PAK1IP1: variants seen among roughly 807,000 people sequenced by gnomAD.
PAK1IP1 encodes the protein p21-activated protein kinase-interacting protein 1.
A neutral mutation model predicts 42.0 loss-of-function variants in PAK1IP1; 24 were observed. That is an observed-to-expected ratio of 0.57 (90% confidence interval 0.41 to 0.80). The LOEUF is 0.80. PAK1IP1 is among the 30% of genes least tolerant of loss of function. The probability of loss-of-function intolerance (pLI) is 0.00; values close to 1 mark genes in which losing one functional copy is unlikely to be tolerated. For missense variants in PAK1IP1, 411 were observed against 467.9 expected, an observed-to-expected ratio of 0.88 and a Z score of 1.12; for synonymous variants, 154 against 156.7, an observed-to-expected ratio of 0.98 and a Z score of 0.13.
intron 5 of PAK1IP1, among the ~76,000 whole-genome samples, 168 bp downstream of exon 5, chr6:10,703,625 T>G (rs1429237132): frequency 6.6e-6 from 1 of 152,190 alleles, no homozygotes; most frequent in East Asian, 1.9e-4. Context: ...ACAAAATTAT[T>G]TAAAATATTG....
chr6:10,703,411 G>A lies in PAK1IP1; in HGVS notation c.450G>A (p.Trp150Ter). The A allele has an allele frequency of 6.2e-7, 1 of 1,611,024 alleles. No homozygotes were observed. Residue 150 changes from tryptophan to a stop codon, truncating the protein, a stop_gained, in exon 5 of 10, where the codon TGG (tryptophan) becomes TGA (stop). Coordinates refer to ENST00000379568, the MANE Select transcript of PAK1IP1 (RefSeq NM_017906.3). LOFTEE classifies it high-confidence loss of function. Reference sequence around the variant, plus strand: ...TGAGCTTCCTGTTTTGCAGAACGTGGAATCTTGTAGAAGGAAGATCAGCAT... The same window carrying A: ...TGAGCTTCCTGTTTTGCAGAACGTGAAATCTTGTAGAAGGAAGATCAGCAT... ...SVGTDKTLRT[W>*]NLVEGRSAFI...
chr6:10,709,514 ATTT>A lies in PAK1IP1; in HGVS notation c.*72_*74del. 2.2e-6 allele frequency: 2 copies of A among 908,486 alleles called. No homozygotes were observed. Among genetic ancestry groups the A allele is most frequent in the Non-Finnish European group, 1.5e-6 (1 of 680,894 alleles). The allele number at this position is 908,486 out of a possible 1,614,324, so 56.3% of individuals were successfully genotyped here. A position where few individuals can be genotyped will look rare whatever the true frequency, so the allele number is the denominator to read the frequency against. On this transcript the variant is annotated 3_prime_UTR_variant, in exon 10 of 10. Coordinates refer to ENST00000379568, the MANE Select transcript of PAK1IP1 (RefSeq NM_017906.3). ...AATCATTCTACTCAAATGTACCTTA[ATTT>A]TTTTTTTTTCCCTGAGTAAAAGCAA...
chr6:10,708,326 A>G (rs565191581), intron 8 of PAK1IP1, among the ~76,000 whole-genome samples: 1 of 109,116 alleles, frequency 9.2e-6, no homozygotes, highest in South Asian at 2.3e-4. Context: ...CACTTCGTGT[A>G]TGTTTCTAAG....
chr6:10,693,971 G>T (rs1451878238), upstream of PAK1IP1, among the ~76,000 whole-genome samples: 1 of 152,126 alleles, frequency 6.6e-6, no homozygotes, highest in Non-Finnish European at 1.5e-5. Flanking sequence ...CTCAAATGAA[G>T]GCTCTGGCCG....
Position 10,703,453 on chromosome 6 carries a change from A to C in PAK1IP1, c.492A>C (p.Lys164Asn), listed in dbSNP as rs1360431859. The change falls in exon 5 of 10, where the codon AAA becomes AAC. Residue 164 changes from lysine (K) to asparagine (N), a missense_variant. Coordinates refer to ENST00000379568, the MANE Select transcript of PAK1IP1 (RefSeq NM_017906.3). ...GATCAGCATTCATAAAAAATATAAAACAAAGTGAGTATTTTTGTTTGAAAT... is the reference window on the plus strand; with the variant it reads ...GATCAGCATTCATAAAAAATATAAACCAAAGTGAGTATTTTTGTTTGAAAT... ...EGRSAFIKNI[K>N]QNAHIVEWSP... The C allele has an allele frequency of 6.2e-7, 1 of 1,602,394 alleles. No individual in the cohort carries two copies. Among genetic ancestry groups the C allele is most frequent in the South Asian group, 1.1e-5 (1 of 90,230 alleles).
chr6:10,701,022 T>G (rs1032350240), intron 2 of PAK1IP1, among the ~76,000 whole-genome samples: 4 of 152,236 alleles, frequency 2.6e-5, no homozygotes, highest in South Asian at 2.1e-4. Flanking sequence ...GTGTTGTTTT[T>G]CCCCTGTGTG....
chr6:10,693,591 G>A (rs924908981), upstream of PAK1IP1, among the ~76,000 whole-genome samples: 1 of 152,200 alleles, frequency 6.6e-6, no homozygotes, highest in Admixed American at 6.5e-5. Flanking sequence ...ATTTGAGAAG[G>A]ATGGACTATG....
intron 2 of PAK1IP1, among the ~76,000 whole-genome samples, chr6:10,700,577 T>C (rs1769996936): frequency 6.6e-6 from 1 of 152,212 alleles, no homozygotes; most frequent in African/African-American, 2.4e-5. Context: ...AGCTGAGCTT[T>C]GAGTGATTCA....
At chr6:10,694,035 GGATCACCTGC>G (rs1581573919), upstream of PAK1IP1, among the ~76,000 whole-genome samples, 1 of 152,144 alleles carries the variant, frequency 6.6e-6, no homozygotes, top group African/African-American at 2.4e-5. Context: ...CGAGGCAAGC[GGATCACCTGC>G]GGTCGGGAGT....
At chr6:10,692,417 A>C (rs1769404418), upstream of PAK1IP1, among the ~76,000 whole-genome samples, 1 of 152,200 alleles carries the variant, frequency 6.6e-6, no homozygotes, top group Admixed American at 6.5e-5. Context: ...TTTGTAACAC[A>C]ATGAAGATAA....
intron 1 of PAK1IP1, among the ~76,000 whole-genome samples, chr6:10,695,637 A>G (rs1769799181): frequency 6.6e-6 from 1 of 152,186 alleles, no homozygotes; most frequent in South Asian, 2.1e-4. Context: ...GCAGAATATG[A>G]TATTACTAGA....
At chr6:10,697,838 C>G (rs919175749) in intron 2 of PAK1IP1, among the ~76,000 whole-genome samples, 1 of 150,748 alleles carries the variant, frequency 6.6e-6, no homozygotes, top group African/African-American at 2.4e-5. Flanking sequence ...TTGCAGTAAG[C>G]TGAGATCACG....
Position 10,704,735 on chromosome 6 carries a change from C to T in PAK1IP1, c.643-12C>T. The T allele has an allele frequency of 6.2e-7, 1 of 1,606,414 alleles. No individual in the cohort carries two copies. Among genetic ancestry groups the T allele is most frequent in the Non-Finnish European group, 8.5e-7 (1 of 1,173,100 alleles). ...CATTCTGGATGTTATTACTCTTTTT[C>T]CTCTCTCCTAGGAGTCTGTCCTTGC... is the stretch of plus-strand genomic sequence containing the variant. On this transcript the variant is annotated splice_polypyrimidine_tract_variant and intron_variant, in intron 6 of 9. Coordinates refer to ENST00000379568, the MANE Select transcript of PAK1IP1 (RefSeq NM_017906.3).
rs200551430 is a variant in PAK1IP1, at chr6:10,709,605, A to T, written c.*153A>T. 0.018 allele frequency: 5,967 copies of T among 336,794 alleles called. 194 individuals are homozygous for T. The African/African-American group carries it at 0.19, about 11-fold the overall frequency. The allele number at this position is 336,794 out of a possible 1,614,324, so 20.9% of individuals were successfully genotyped here. ...AACCACTTTTAGATGGTTTTTTTTA[A>T]AAAAAAAAAAAAAACTGGTAAAATT... On this transcript the variant is annotated 3_prime_UTR_variant, in exon 10 of 10. Coordinates refer to ENST00000379568, the MANE Select transcript of PAK1IP1 (RefSeq NM_017906.3).
In PAK1IP1 at chr6:10,707,478, T is replaced by A; in HGVS notation, c.804T>A (p.Asp268Glu). 1 of 1,610,650 alleles carries A rather than the reference T, an allele frequency of 6.2e-7. No homozygotes were observed. Among genetic ancestry groups the A allele is most frequent in the Non-Finnish European group, 8.5e-7 (1 of 1,176,768 alleles). ...ATGTTATTGTTTCAGCATCGAGTGA[T>A]GGTTTCATCAAAATGTGGAAGCTTA... ...EHHVIVSASS[D>E]GFIKMWKLKQ... The change falls in exon 8 of 10, where the codon GAT becomes GAA. Residue 268 changes from aspartate to glutamate, a missense_variant. Physicochemically the swap from Asp to Glu is conservative, Grantham distance 45. Coordinates refer to ENST00000379568, the MANE Select transcript of PAK1IP1 (RefSeq NM_017906.3).
chr6:10,694,142 C>A (rs1044186194), upstream of PAK1IP1, among the ~76,000 whole-genome samples: 4 of 151,822 alleles, frequency 2.6e-5, no homozygotes, highest in Non-Finnish European at 5.9e-5. Context: ...TGCCTGTAAT[C>A]CCAGCTACTC....
intron 1 of PAK1IP1, among the ~76,000 whole-genome samples, chr6:10,696,509 C>T (rs1487046269): frequency 4.6e-5 from 7 of 152,142 alleles, no homozygotes; most frequent in African/African-American, 1.4e-4. Context: ...TGTCATGCTT[C>T]GCACTCATCC....
At chr6:10,704,718 A>C (rs371624454) in intron 6 of PAK1IP1, 29 bp from the exon 7 acceptor site, 1 of 1,595,792 alleles carries the variant, frequency 6.3e-7, no homozygotes, top group African/African-American at 1.3e-5. Flanking sequence ...GACATTCTGG[A>C]TGTTATTACT....
upstream of PAK1IP1, among the ~76,000 whole-genome samples, chr6:10,693,370 G>C (rs1284205798): frequency 6.6e-6 from 1 of 152,160 alleles, no homozygotes; most frequent in African/African-American, 2.4e-5. Context: ...ACTTTTCTTC[G>C]TGTCACCAAT....
Sources: allele counts gnomAD v4.1 joint callset (sites outside exome capture counted in the v4.1 genomes callset), GRCh38; gene constraint gnomAD v4.1.1; transcripts MANE v1.5; gene names NCBI Gene and HGNC (gene_info 2026-07-23, HGNC 2026-07-21).